Variants in PTPRT observed in about 807,000 individuals in gnomAD.
PTPRT encodes protein tyrosine phosphatase receptor type T.
In PTPRT, 56 loss-of-function variants were observed where a neutral mutation model predicts 176.8. The ratio of observed to expected loss-of-function variants is 0.32; its 90% confidence interval spans 0.26 to 0.40. The LOEUF (loss-of-function observed/expected upper bound fraction) is 0.40. Among genes scored for constraint, PTPRT ranks in the 10% least tolerant of loss-of-function variants. The pLI is 1.00. For missense variants in PTPRT, 1,540 were observed against 1,908.2 expected, an observed-to-expected ratio of 0.81 and a Z score of 3.60; for synonymous variants, 783 against 739.0, an observed-to-expected ratio of 1.06 and a Z score of -0.96.
At chr20:42,242,201 T>C (rs1326189806) in intron 14 of PTPRT, among the ~76,000 whole-genome samples, 1 of 152,198 alleles carries the variant, frequency 6.6e-6, no homozygotes, top group Non-Finnish European at 1.5e-5. Flanking sequence ...AGCCTTGCCT[T>C]GCCACCCTCC....
At chr20:42,086,466 G>A (rs1983919456) in intron 27 of PTPRT, among the ~76,000 whole-genome samples, 1 of 151,768 alleles carries the variant, frequency 6.6e-6, no homozygotes, top group African/African-American at 2.4e-5. Flanking sequence ...TGTAAAATGG[G>A]GAGAATAATA....
chr20:42,571,537 G>A (rs1458053028), intron 7 of PTPRT, among the ~76,000 whole-genome samples: 1 of 152,220 alleles, frequency 6.6e-6, no homozygotes, highest in South Asian at 2.1e-4. Context: ...TACGTTTGTG[G>A]TAATTTGCTA....
chr20:42,439,145 T>C (rs998317737), intron 9 of PTPRT, among the ~76,000 whole-genome samples: 10 of 152,150 alleles, frequency 6.6e-5, no homozygotes, highest in Non-Finnish European at 1.3e-4. Context: ...AGGGGAAACA[T>C]CTTATGGAGG....
chr20:42,456,676 GACTAAC>G (rs978413951), intron 8 of PTPRT, among the ~76,000 whole-genome samples: 8 of 152,076 alleles, frequency 5.3e-5, no homozygotes, highest in African/African-American at 1.9e-4. Context: ...ACTAAAGTTA[GACTAAC>G]ACTAATTTTT....
intron 16 of PTPRT, among the ~76,000 whole-genome samples, chr20:42,173,968 G>A (rs6102704): frequency 0.34 from 51,499 of 151,952 alleles, 9,094 homozygotes; most frequent in East Asian, 0.38. Context: ...TGAAATATAC[G>A]CCTAAAGAAT....
At chr20:42,163,321 A>T (rs1989689743) in intron 16 of PTPRT, among the ~76,000 whole-genome samples, 1 of 152,224 alleles carries the variant, frequency 6.6e-6, no homozygotes, top group African/African-American at 2.4e-5. Context: ...TGGACTGCTT[A>T]CAGAAAGATT....
At chr20:42,158,231 G>A (rs1209127111) in intron 17 of PTPRT, among the ~76,000 whole-genome samples, 10 of 152,142 alleles carry the variant, frequency 6.6e-5, no homozygotes, top group Non-Finnish European at 2.9e-5. Flanking sequence ...TTAAGCTTAT[G>A]TTTATTTCCT....
chr20:43,037,624 T>C (rs1194560397), intron 1 of PTPRT, among the ~76,000 whole-genome samples: 1 of 152,214 alleles, frequency 6.6e-6, no homozygotes, highest in African/African-American at 2.4e-5. Context: ...TCCAGAATTC[T>C]GAAAGTGAAA....
At chr20:43,134,603 A>G (rs1047675927) in intron 1 of PTPRT, among the ~76,000 whole-genome samples, 2 of 152,178 alleles carry the variant, frequency 1.3e-5, no homozygotes, top group East Asian at 1.9e-4. Flanking sequence ...TCTCTCCCCA[A>G]CTGCAAGACC....
rs62203549 is a variant in PTPRT at position 42,461,756 on chromosome 20, C to G, written c.1450+10510G>C. 8.7e-3 allele frequency among the ~76,000 whole-genome samples: 1,325 copies of G among 152,074 alleles called. 11 individuals are homozygous for G. Among genetic ancestry groups the G allele is most frequent in the Middle Eastern group, 0.014 (4 of 294 alleles). On this transcript the variant is annotated intron_variant, in intron 8 of 30. Coordinates refer to ENST00000373187, the MANE Select transcript of PTPRT (RefSeq NM_007050.6). ...TGATCTTGAAATAATTGTTTTGGTG[C>G]AATGGCAGGGATCTGAGTTACTTTG...
intron 9 of PTPRT, among the ~76,000 whole-genome samples, chr20:42,447,682 T>A (rs1182227315): frequency 1.3e-5 from 2 of 152,152 alleles, no homozygotes; most frequent in South Asian, 2.1e-4. Flanking sequence ...TTCTGGTTCA[T>A]CTCTGATATG....
intron 29 of PTPRT, 38 bp downstream of exon 29, chr20:42,084,644 C>A: frequency 2.2e-6 from 3 of 1,379,968 alleles, no homozygotes; most frequent in African/African-American, 1.4e-5. Context: ...CTATCACCCA[C>A]CACCCTATTG....
chr20:42,033,107 C>A, the PTPRT span, among the ~76,000 whole-genome samples: 1 of 152,148 alleles, frequency 6.6e-6, no homozygotes, highest in Non-Finnish European at 1.5e-5. Context: ...GATAAGTGAA[C>A]AACTATCAGA....
intron 1 of PTPRT, among the ~76,000 whole-genome samples, chr20:43,121,627 T>C (rs1462302689): frequency 2.0e-5 from 3 of 152,230 alleles, no homozygotes; most frequent in Non-Finnish European, 4.4e-5. Flanking sequence ...CCTGGTAAAA[T>C]GCCTCTTCAC....
intron 1 of PTPRT, among the ~76,000 whole-genome samples, chr20:42,917,307 T>C (rs902868057): frequency 6.6e-6 from 1 of 152,174 alleles, no homozygotes; most frequent in Non-Finnish European, 1.5e-5. Context: ...CTCTGTTCTG[T>C]TCCATTGGTC....
rs116279518 is a variant in PTPRT, at chr20:43,164,112, A to G, written c.88+25534T>C. 6.2e-3 allele frequency among the ~76,000 whole-genome samples: 952 copies of G among 152,372 alleles called. 12 individuals carry two copies. The highest frequency in any genetic ancestry group is 0.022 in the African/African-American group (904 of 41,586). On this transcript the variant is annotated intron_variant, in intron 1 of 30. Transcript: ENST00000373187. ...TATTAAGAAATAAATTAAGTTACAA[A>G]TGATAAACTTAATTTTGGAAAGTCC... is the stretch of plus-strand genomic sequence containing the variant.
At chr20:42,062,053 A>G in the PTPRT span, among the ~76,000 whole-genome samples, 1 of 152,222 alleles carries the variant, frequency 6.6e-6, no homozygotes, top group African/African-American at 2.4e-5. Flanking sequence ...GTGAAGGGTC[A>G]GATGATGTTG....
intron 1 of PTPRT, among the ~76,000 whole-genome samples, chr20:43,037,407 C>T (rs1052426558): frequency 3.9e-5 from 6 of 152,146 alleles, no homozygotes; most frequent in African/African-American, 7.2e-5. Context: ...CAGGTGGCTT[C>T]GCAGGCTACT....
At chr20:42,337,302 C>G (rs963091221) in intron 11 of PTPRT, among the ~76,000 whole-genome samples, 3 of 152,096 alleles carry the variant, frequency 2.0e-5, no homozygotes, top group Admixed American at 2.0e-4. Context: ...AATTATATGA[C>G]AACAATGAAA....
Sources: gnomAD v4.1 joint callset for allele counts (sites outside exome capture counted in the v4.1 genomes callset) on GRCh38, gnomAD v4.1.1 for gene constraint, MANE v1.5 for transcripts, NCBI Gene and HGNC (gene_info 2026-07-23, HGNC 2026-07-21) for gene names.